Variants in GABRR3 observed in about 807,000 individuals in gnomAD.
The protein encoded by GABRR3 is gamma-aminobutyric acid receptor subunit rho-3.
GABRR3 carries 29 observed loss-of-function variants against 43.2 expected under a neutral mutation model. The ratio of observed to expected loss-of-function variants is 0.67; its 90% CI spans 0.50 to 0.92. The LOEUF is 0.92. Among genes scored for constraint, GABRR3 ranks in the 40% least tolerant of loss-of-function variants. The pLI, the probability that GABRR3 is intolerant of heterozygous loss-of-function variation, is 0.00. For missense variants in GABRR3, 576 were observed against 572.3 expected (o/e 1.01, Z -0.07); for synonymous variants, 206 against 195.9 (o/e 1.05, Z -0.43).
exon 2 of GABRR3, chr3:98,034,969 A>T (rs1386288852): frequency 2.5e-6 from 4 of 1,612,740 alleles, no homozygotes; most frequent in Non-Finnish European, 2.5e-6. Flanking sequence ...AAGGAGACTA[A>T]CTGGAAAGCC....
exon 7 of GABRR3, chr3:98,007,796 G>A: frequency 6.2e-7 from 1 of 1,613,456 alleles, no homozygotes; most frequent in Non-Finnish European, 8.5e-7. Flanking sequence ...TCCACTAGAT[G>A]CACTGAAGTC....
chr3:98,025,271 A>G (rs1345497663), intron 3 of GABRR3, among the ~76,000 whole-genome samples: 1 of 152,220 alleles, frequency 6.6e-6, no homozygotes, highest in African/African-American at 2.4e-5. Flanking sequence ...CATGTATCCA[A>G]TTTAAGGATT....
At chr3:98,030,168 A>G (rs1707071074) in intron 2 of GABRR3, among the ~76,000 whole-genome samples, 5 of 151,958 alleles carry the variant, frequency 3.3e-5, no homozygotes, top group Admixed American at 3.3e-4. Flanking sequence ...AGGTGGGAGT[A>G]TAAATATTGG....
At chr3:98,034,819 G>A in intron 2 of GABRR3, 44 bp downstream of exon 2, 1 of 1,606,396 alleles carries the variant, frequency 6.2e-7, no homozygotes, top group South Asian at 1.1e-5. Context: ...ACTGTTGAGA[G>A]AAACTGGGCA....
chr3:98,010,305 C>T (rs576119980), intron 5 of GABRR3, among the ~76,000 whole-genome samples: 36 of 152,282 alleles, frequency 2.4e-4, no homozygotes, highest in African/African-American at 7.7e-4. Flanking sequence ...ATGTGGATGG[C>T]GCTTAATTCT....
chr3:97,986,154 C>T (rs535045563), downstream of GABRR3, among the ~76,000 whole-genome samples: 12 of 152,286 alleles, frequency 7.9e-5, no homozygotes, highest in African/African-American at 2.9e-4. Flanking sequence ...GCATGAGCCA[C>T]GGCACCTGGC....
chr3:97,987,008 A>C (rs774015146), intron 9 of GABRR3, 26 bp from the exon 10 acceptor site: 3 of 1,451,032 alleles, frequency 2.1e-6, no homozygotes, highest in Non-Finnish European at 2.8e-6. Flanking sequence ...TTTTTAAAGT[A>C]GGTCTTGAAT....
At chr3:98,006,370 C>A (rs1454676459) in intron 7 of GABRR3, among the ~76,000 whole-genome samples, 1 of 152,140 alleles carries the variant, frequency 6.6e-6, no homozygotes, top group Admixed American at 6.5e-5. Flanking sequence ...TTGAGAGCAT[C>A]ATTTGCTGAA....
intron 4 of GABRR3, among the ~76,000 whole-genome samples, chr3:98,016,137 T>G (rs1055383421): frequency 6.6e-6 from 1 of 152,082 alleles, no homozygotes; most frequent in Non-Finnish European, 1.5e-5. Context: ...GCCCCCATGA[T>G]CAAATCACCT....
At chr3:98,014,557 G>A (rs183956570) in intron 4 of GABRR3, among the ~76,000 whole-genome samples, 2 of 152,286 alleles carry the variant, frequency 1.3e-5, no homozygotes, top group Admixed American at 1.3e-4. Flanking sequence ...CCCTTTTGCA[G>A]GAGAATGGCA....
intron 2 of GABRR3, among the ~76,000 whole-genome samples, chr3:98,031,070 G>A (rs988496668): frequency 6.6e-6 from 1 of 152,106 alleles, no homozygotes; most frequent in Non-Finnish European, 1.5e-5. Flanking sequence ...TGAATCTTAT[G>A]GCTCTGATTG....
chr3:98,017,704 C>G lies in GABRR3; in HGVS notation c.257G>C (p.Gly86Ala), dbSNP rs373783184. 15 of 1,610,424 alleles carry G rather than the reference C, an allele frequency of 9.3e-6. No homozygotes were observed. Among genetic ancestry groups the G allele is most frequent in the Non-Finnish European group, 1.1e-5 (13 of 1,178,078 alleles). ...AATGCTTTCAACATGGACATCTATA[C>G]CTACTGGCACTGGAGACCCTTAAGA... The change falls in exon 4 of 10, where the codon GGT becomes GCT. Residue 86 changes from glycine (G) to alanine (A), a missense_variant. Coordinates refer to ENST00000621172, the Ensembl canonical transcript of GABRR3.
intron 3 of GABRR3, among the ~76,000 whole-genome samples, chr3:98,020,870 C>CT (rs59070712): frequency 0.014 from 1,691 of 117,408 alleles, 41 homozygotes; most frequent in African/African-American, 0.049. Context: ...TTTTCTTTTT[C>CT]TTTTTTTTTT....
In GABRR3 at chr3:98,007,911, C is replaced by T. The variant is rs779985091; in HGVS notation, c.614-7G>A. ...TCATCCTCATTGTAGGCATCTAAAA[C>T]ATGAAAATATCAGTCTTGTAAGTGT... On this transcript the variant is annotated splice_polypyrimidine_tract_variant and splice_region_variant and intron_variant, in intron 6 of 9. Transcript: ENST00000621172. 24 of 1,547,952 alleles carry T rather than the reference C, an allele frequency of 1.6e-5. No homozygotes were observed. The South Asian group carries it at 2.7e-4, about 17-fold the overall frequency.
intron 7 of GABRR3, among the ~76,000 whole-genome samples, chr3:98,002,356 C>G (rs1706660535): frequency 6.6e-6 from 1 of 152,110 alleles, no homozygotes; most frequent in Non-Finnish European, 1.5e-5. Flanking sequence ...TTCTTTGCTT[C>G]CTATTGAAAT....
chr3:98,012,596 A>AACCAGT, intron 4 of GABRR3, 29 bp from the exon 5 acceptor site: 1 of 1,537,350 alleles, frequency 6.5e-7, no homozygotes, highest in Non-Finnish European at 9.0e-7. Context: ...AGACCAAAAA[A>AACCAGT]ACCAGTAGGA....
chr3:97,993,382 A>T (rs1706496641), intron 8 of GABRR3, among the ~76,000 whole-genome samples: 1 of 152,174 alleles, frequency 6.6e-6, no homozygotes, highest in South Asian at 2.1e-4. Context: ...CATGTATTCA[A>T]TTTAAAAGAG....
rs577842760 is a variant in GABRR3 at position 98,030,690 on chromosome 3, A to G, written c.125+4173T>C. Among the ~76,000 whole-genome samples, 4 of 152,282 alleles carry G rather than the reference A, an allele frequency of 2.6e-5. No individual in the cohort carries two copies. The East Asian group carries it at 7.7e-4, about 29-fold the overall frequency. On this transcript the variant is annotated intron_variant, in intron 2 of 9. Coordinates refer to ENST00000621172, the Ensembl canonical transcript of GABRR3. ...GAATCTGGTCAAAACTCTCCACCTT[A>G]TCACTCCATTCTCCTTGTCATTCTA...
intron 2 of GABRR3, among the ~76,000 whole-genome samples, chr3:98,032,039 T>G (rs1707092614): frequency 6.6e-6 from 1 of 151,900 alleles, no homozygotes; most frequent in Non-Finnish European, 1.5e-5. Flanking sequence ...ACCAACAACA[T>G]GCATGGCAGA....
Sources: gnomAD v4.1 joint callset for allele counts (sites outside exome capture counted in the v4.1 genomes callset) on GRCh38, gnomAD v4.1.1 for gene constraint, MANE v1.5 for transcripts, NCBI Gene and HGNC (gene_info 2026-07-23, HGNC 2026-07-21) for gene names.